The following ARHGEF3 variants were observed in gnomAD, a reference collection of about 807,000 sequenced individuals.
ARHGEF3 encodes the protein Rho guanine nucleotide exchange factor 3, also known as 59.8 kDA protein.
In ARHGEF3, 28 loss-of-function variants were observed where a neutral mutation model predicts 63.2. The ratio of observed to expected loss-of-function variants is 0.44; its 90% CI spans 0.33 to 0.61. The LOEUF (loss-of-function observed/expected upper bound fraction) is 0.61. Among genes scored for constraint, ARHGEF3 ranks in the 20% least tolerant of loss-of-function variants. ARHGEF3 has a pLI of 0.03. For missense variants in ARHGEF3, 533 were observed against 659.3 expected (o/e 0.81, Z 2.10); for synonymous variants, 266 against 254.2 (o/e 1.05, Z -0.44).
chr3:56,977,741 T>C (rs914651339), intron 2 of ARHGEF3, among the ~76,000 whole-genome samples: 7 of 152,168 alleles, frequency 4.6e-5, no homozygotes, highest in Non-Finnish European at 1.0e-4. Context: ...GCTGGCTATC[T>C]TGTGGCCCTA....
At chr3:56,967,861 G>GGC (rs1700638594) in intron 2 of ARHGEF3, among the ~76,000 whole-genome samples, 1 of 20,482 alleles carries the variant, frequency 4.9e-5, no homozygotes, top group Non-Finnish European at 1.0e-4. Context: ...AATATATAAT[G>GGC]ACATATATAA....
At chr3:56,732,178 T>G in intron 9 of ARHGEF3, 60 bp downstream of exon 9, 1 of 1,593,846 alleles carries the variant, frequency 6.3e-7, no homozygotes, top group East Asian at 2.3e-5. Flanking sequence ...AGCTGCCCAC[T>G]CCCTCCAAAC....
At chr3:57,015,600 A>ATTT (rs11290143) in intron 2 of ARHGEF3, among the ~76,000 whole-genome samples, 2 of 129,240 alleles carry the variant, frequency 1.5e-5, no homozygotes, top group African/African-American at 2.9e-5. Flanking sequence ...CGCCCTGCTA[A>ATTT]TTTTTTTTTT....
At chr3:57,021,169 G>C (rs1703241784) in intron 2 of ARHGEF3, among the ~76,000 whole-genome samples, 1 of 152,202 alleles carries the variant, frequency 6.6e-6, no homozygotes, top group South Asian at 2.1e-4. Flanking sequence ...TTCACCCCAG[G>C]AATGAAAGGA....
chr3:56,905,690 G>A (rs373305002), intron 3 of ARHGEF3, among the ~76,000 whole-genome samples: 1 of 152,336 alleles, frequency 6.6e-6, no homozygotes, highest in East Asian at 1.9e-4. Flanking sequence ...TACTGGCCAT[G>A]TATAAAAGGT....
chr3:56,803,155 G>GC (rs1360788987), upstream of ARHGEF3, among the ~76,000 whole-genome samples: 2 of 152,212 alleles, frequency 1.3e-5, no homozygotes, highest in Admixed American at 1.3e-4. Context: ...CTGAAGGGAG[G>GC]CACCTGGGTT....
intron 1 of ARHGEF3, chr3:57,078,447 G>A (rs1298470279): frequency 6.6e-6 from 1 of 152,228 alleles, no homozygotes; most frequent in African/African-American, 2.4e-5. Context: ...GCCCGTGATG[G>A]GGCTGCTGAT....
chr3:56,893,422 T>C (rs770091282), intron 3 of ARHGEF3, among the ~76,000 whole-genome samples: 1 of 152,148 alleles, frequency 6.6e-6, no homozygotes, highest in South Asian at 2.1e-4. Context: ...CAAGTGATCC[T>C]CCTGCCTTGG....
chr3:56,838,236 G>C (rs904044260), intron 4 of ARHGEF3, among the ~76,000 whole-genome samples: 3 of 152,104 alleles, frequency 2.0e-5, no homozygotes, highest in African/African-American at 7.2e-5. Context: ...CTGTGGGGGG[G>C]AATAATTAAA....
At chr3:56,965,115 C>T (rs1700435492) in intron 2 of ARHGEF3, among the ~76,000 whole-genome samples, 1 of 152,064 alleles carries the variant, frequency 6.6e-6, no homozygotes, top group African/African-American at 2.4e-5. Context: ...ATTAACCAGG[C>T]ATGGTAGCAT....
At chr3:57,021,788 C>T (rs149668236) in intron 2 of ARHGEF3, among the ~76,000 whole-genome samples, 2 of 151,310 alleles carry the variant, frequency 1.3e-5, no homozygotes, top group Non-Finnish European at 2.9e-5. Flanking sequence ...AAGCATTTAC[C>T]AATCCAATTA....
chr3:57,032,204 A>G (rs1279239214), intron 2 of ARHGEF3, among the ~76,000 whole-genome samples: 2 of 152,204 alleles, frequency 1.3e-5, no homozygotes, highest in African/African-American at 4.8e-5. Context: ...CTTTGCAGAG[A>G]AACATTTTGG....
chr3:56,979,805 T>G (rs566007137), intron 2 of ARHGEF3, among the ~76,000 whole-genome samples: 1 of 152,344 alleles, frequency 6.6e-6, no homozygotes, highest in South Asian at 2.1e-4. Flanking sequence ...TGTACCAACT[T>G]ACAAGGGTTT....
intron 1 of ARHGEF3, chr3:56,775,669 A>G (rs950570775): frequency 1.0e-6 from 1 of 985,750 alleles, no homozygotes; most frequent in Non-Finnish European, 1.2e-6. Flanking sequence ...TCAGGTGACA[A>G]TGCCCTTCAG....
chr3:56,804,396 G>A (rs954951971), upstream of ARHGEF3, among the ~76,000 whole-genome samples: 9 of 152,194 alleles, frequency 5.9e-5, no homozygotes, highest in Admixed American at 2.0e-4. Flanking sequence ...GAACCCAGCA[G>A]TTCCTACTTC....
Position 56,728,986 on chromosome 3 carries a change from T to A in ARHGEF3, c.*284A>T, listed in dbSNP as rs1398501406. 3.2e-6 allele frequency: 1 copy of A among 316,136 alleles called. No homozygotes were observed. Among genetic ancestry groups the A allele is most frequent in the African/African-American group, 2.1e-5 (1 of 47,046 alleles). The allele number at this position is 316,136 out of a possible 1,614,324, so 19.6% of individuals were successfully genotyped here. A position where few individuals can be genotyped will look rare whatever the true frequency, so the allele number is the denominator to read the frequency against. On this transcript the variant is annotated 3_prime_UTR_variant, in exon 10 of 10. Coordinates refer to ENST00000296315, the MANE Select transcript of ARHGEF3 (RefSeq NM_019555.3). ...TTTTGAGATTCTTTTTCTATTTTTT[T>A]AAAATCCAGCAGGACAACTGAAAGT...
chr3:56,853,721 A>G (rs547904618), intron 4 of ARHGEF3, among the ~76,000 whole-genome samples: 1 of 152,326 alleles, frequency 6.6e-6, no homozygotes, highest in Non-Finnish European at 1.5e-5. Flanking sequence ...TCCACAAGCC[A>G]TGGATGCTCA....
intron 3 of ARHGEF3, among the ~76,000 whole-genome samples, chr3:56,946,158 T>C (rs977986122): frequency 6.6e-6 from 1 of 151,972 alleles, no homozygotes; most frequent in African/African-American, 2.4e-5. Context: ...CAAAGGTAGA[T>C]AAAACCACAA....
intron 4 of ARHGEF3, among the ~76,000 whole-genome samples, chr3:56,847,871 C>T (rs553662533): frequency 6.6e-6 from 1 of 152,280 alleles, no homozygotes; most frequent in Admixed American, 6.5e-5. Context: ...AGCCACCATG[C>T]CTGGCCTACC....
Sources: allele counts gnomAD v4.1 joint callset (sites outside exome capture counted in the v4.1 genomes callset), GRCh38; gene constraint gnomAD v4.1.1; transcripts MANE v1.5; gene names NCBI Gene and HGNC (gene_info 2026-07-23, HGNC 2026-07-21).